PCGF5: variants seen among roughly 807,000 people sequenced by gnomAD.
The protein encoded by PCGF5 is polycomb group ring finger 5, also known as polycomb group RING finger protein 5.
PCGF5 carries 9 observed loss-of-function variants against 44.3 expected under a neutral mutation model. That is an observed-to-expected ratio of 0.20 (90% CI 0.12 to 0.35). The LOEUF (loss-of-function observed/expected upper bound fraction) is 0.35, where lower values mean the gene tolerates loss of function less well. Among genes scored for constraint, PCGF5 ranks in the 10% least tolerant of loss-of-function variants. The pLI, the probability that PCGF5 is intolerant of heterozygous loss-of-function variation, is 1.00. For synonymous variants in PCGF5, 95 were observed against 102.5 expected, an observed-to-expected ratio of 0.93 and a Z score of 0.44; for missense variants, 146 against 305.3, an observed-to-expected ratio of 0.48 and a Z score of 3.89.
chr10:91,276,873 G>A (rs192129725), intron 9 of PCGF5, among the ~76,000 whole-genome samples: 5 of 152,262 alleles, frequency 3.3e-5, no homozygotes, highest in Admixed American at 1.3e-4. Context: ...AAAGGATATT[G>A]GTCGTCTCAG....
At chr10:91,211,911 G>C (rs1417666136) in intron 1 of PCGF5, among the ~76,000 whole-genome samples, 1 of 152,188 alleles carries the variant, frequency 6.6e-6, no homozygotes, top group Non-Finnish European at 1.5e-5. Flanking sequence ...TGGTCTGGAA[G>C]GTGGTTGAGC....
chr10:91,249,185 A>G (rs770640930), intron 5 of PCGF5, among the ~76,000 whole-genome samples: 4 of 151,858 alleles, frequency 2.6e-5, no homozygotes, highest in Non-Finnish European at 4.4e-5. Flanking sequence ...AGTTTTTATA[A>G]GTAGAGCTCA....
chr10:91,187,165 T>C (rs568484554), intron 1 of PCGF5, among the ~76,000 whole-genome samples: 6 of 152,260 alleles, frequency 3.9e-5, no homozygotes, highest in Admixed American at 3.9e-4. Context: ...TTGTAAAAAA[T>C]ACTGGTATCT....
chr10:91,173,851 A>T (rs987987943), intron 1 of PCGF5, among the ~76,000 whole-genome samples: 1 of 151,996 alleles, frequency 6.6e-6, no homozygotes, highest in African/African-American at 2.4e-5. Context: ...AGTAAAAAAA[A>T]TTGTGATACT....
chr10:91,166,271 A>G (rs1010899883), intron 1 of PCGF5, among the ~76,000 whole-genome samples: 2 of 151,946 alleles, frequency 1.3e-5, no homozygotes, highest in African/African-American at 4.8e-5. Context: ...TTGCTTGTGA[A>G]CTCTCAGAGG....
rs755894580 is a variant in PCGF5 at position 91,198,464 on chromosome 10, A to G, written c.-183-24225A>G. On this transcript the variant is annotated intron_variant, in intron 1 of 9. Coordinates refer to the PCGF5 transcript ENST00000614189. ...AATGCCTTTGCTGACACCTTGTTTTAAATTTCAGTCACCCTCCTTACCTAC... is the reference window on the plus strand; with the variant it reads ...AATGCCTTTGCTGACACCTTGTTTTGAATTTCAGTCACCCTCCTTACCTAC... Among the ~76,000 whole-genome samples, 34 of 152,158 alleles carry G rather than the reference A, an allele frequency of 2.2e-4. 1 individual carries two copies. The highest frequency in any genetic ancestry group is 3.8e-4 in the Non-Finnish European group (26 of 68,034).
rs146020112 is a variant in PCGF5, at chr10:91,183,712, C to T, written c.-184+20631C>T. ...TCTGTAGTGGCTGGTAATAGTCCTT[C>T]TTTGCCATATGTAGTGTGTCCTTCA... On this transcript the variant is annotated intron_variant, in intron 1 of 9. Coordinates refer to the PCGF5 transcript ENST00000614189. 5.5e-3 allele frequency among the ~76,000 whole-genome samples: 841 copies of T among 152,286 alleles called. 6 individuals are homozygous for T. The highest frequency in any genetic ancestry group is 0.019 in the African/African-American group (774 of 41,566).
At chr10:91,225,067 A>G (rs1844782504) in intron 2 of PCGF5, among the ~76,000 whole-genome samples, 2 of 151,934 alleles carry the variant, frequency 1.3e-5, no homozygotes, top group African/African-American at 4.8e-5. Flanking sequence ...TACAAATTTT[A>G]TATATGTCCT....
intron 1 of PCGF5, among the ~76,000 whole-genome samples, chr10:91,186,294 C>G (rs1843922223): frequency 6.6e-6 from 1 of 152,162 alleles, no homozygotes; most frequent in African/African-American, 2.4e-5. Context: ...AGCAGTATTG[C>G]CAGGTTGCAA....
chr10:91,232,398 G>T (rs1845034244), intron 2 of PCGF5, among the ~76,000 whole-genome samples: 1 of 152,232 alleles, frequency 6.6e-6, no homozygotes, highest in African/African-American at 2.4e-5. Context: ...GAAGAGAGGA[G>T]TTAAAGAGAA....
At chr10:91,178,297 G>A (rs1373297136) in intron 1 of PCGF5, among the ~76,000 whole-genome samples, 2 of 152,164 alleles carry the variant, frequency 1.3e-5, no homozygotes, top group Non-Finnish European at 2.9e-5. Context: ...GCAATTAAAT[G>A]TCAGAAGAAA....
chr10:91,175,117 T>C (rs114746026), intron 1 of PCGF5, among the ~76,000 whole-genome samples: 2,879 of 152,276 alleles, frequency 0.019, 89 homozygotes, highest in African/African-American at 0.066. Context: ...AAATGAGGGA[T>C]AGGTGGAAAA....
At chr10:91,264,986 G>A (rs1401799544) in intron 8 of PCGF5, among the ~76,000 whole-genome samples, 1 of 151,936 alleles carries the variant, frequency 6.6e-6, no homozygotes, top group Non-Finnish European at 1.5e-5. Flanking sequence ...ATATAAACTC[G>A]GACTTAAGGG....
At chr10:91,258,849 G>T (rs911529086) in intron 6 of PCGF5, among the ~76,000 whole-genome samples, 1 of 151,960 alleles carries the variant, frequency 6.6e-6, no homozygotes, top group Non-Finnish European at 1.5e-5. Context: ...ATTTCTGTTG[G>T]TCTTTGCCAG....
At chr10:91,194,364 A>G (rs1420980208) in intron 1 of PCGF5, among the ~76,000 whole-genome samples, 1 of 152,174 alleles carries the variant, frequency 6.6e-6, no homozygotes, top group African/African-American at 2.4e-5. Flanking sequence ...CTACGGGAGA[A>G]TGGCCAGAGA....
upstream of PCGF5, among the ~76,000 whole-genome samples, chr10:91,161,303 G>A (rs1448995249): frequency 2.6e-5 from 4 of 151,928 alleles, no homozygotes; most frequent in Non-Finnish European, 4.4e-5. Context: ...CTATTGACTC[G>A]CTTGGGAAAG....
intron 2 of PCGF5, among the ~76,000 whole-genome samples, chr10:91,239,072 CTT>C (rs1231387048): frequency 6.6e-6 from 1 of 152,066 alleles, no homozygotes; most frequent in African/African-American, 2.4e-5. Context: ...ATCCTGATCA[CTT>C]TATTTAAAAT....
chr10:91,248,736 TTA>T lies in PCGF5; in HGVS notation c.325+14_325+15del. 1 of 1,598,694 alleles carries T rather than the reference TTA, an allele frequency of 6.3e-7. No homozygotes were observed. Among genetic ancestry groups the T allele is most frequent in the East Asian group, 2.2e-5 (1 of 44,754 alleles). ...AGAAAATGGACAAGGTGACTTTTTC[TTA>T]TGTCTGTTTCTGACAGCACCTCTTA... On this transcript the variant is annotated intron_variant, in intron 5 of 9. Coordinates refer to ENST00000336126, the MANE Select transcript of PCGF5 (RefSeq NM_032373.5).
chr10:91,241,040 A>G (rs1845310692), intron 3 of PCGF5, among the ~76,000 whole-genome samples: 1 of 148,508 alleles, frequency 6.7e-6, no homozygotes, highest in African/African-American at 2.5e-5. Context: ...TAGCAGTATA[A>G]TCATATATAT....
Sources: gnomAD v4.1 joint callset for allele counts (sites outside exome capture counted in the v4.1 genomes callset) on GRCh38, gnomAD v4.1.1 for gene constraint, MANE v1.5 for transcripts, NCBI Gene and HGNC (gene_info 2026-07-23, HGNC 2026-07-21) for gene names.